Variants in LAMA5 observed in about 807,000 individuals in gnomAD.
LAMA5 encodes the protein laminin subunit alpha-5.
Under a neutral mutation model 433.4 loss-of-function variants are expected in LAMA5, and 260 were observed. The observed-to-expected ratio is 0.60, with a 90% CI of 0.54 to 0.66. The LOEUF (loss-of-function observed/expected upper bound fraction) is 0.66. LAMA5 is among the 30% of genes least tolerant of loss of function. LAMA5 has a pLI of 0.00. For missense variants in LAMA5, 5,378 were observed against 5,258.5 expected (o/e 1.02, Z -0.70); for synonymous variants, 2,620 against 2,226.6 (o/e 1.18, Z -4.97).
In LAMA5 at chr20:62,327,245, G is replaced by A; in HGVS notation, c.5100C>T (p.Tyr1700=). The A allele has an allele frequency of 6.6e-7, 1 of 1,516,934 alleles. No individual in the cohort carries two copies. Among genetic ancestry groups the A allele is most frequent in the South Asian group, 1.3e-5 (1 of 76,256 alleles). 94.0% of individuals were successfully genotyped at this position (1,516,934 alleles called of 1,614,324 possible). Residue 1700 remains tyrosine (Y), a synonymous_variant, in exon 38 of 80, where the codon TAC becomes TAT. Transcript: ENST00000252999. The stretch of plus-strand genomic sequence containing the variant: ...ATGCCCTGCTTACCCGGTCCCCCAG[G>A]TAGGAGGGTGGGGCCTGCCAGTACA... The part of the protein sequence containing the change: ...PELYWQAPPS[Y]LGDRVSSYGG...
At chr20:62,309,592 T>TGGGAGGAG (rs1568884684) in intron 79 of LAMA5, 117 bp from the exon 80 acceptor site, 12 of 176,060 alleles carry the variant, frequency 6.8e-5, no homozygotes, top group Non-Finnish European at 8.8e-5. Flanking sequence ...CATAGGAGGG[T>TGGGAGGAG]GGTAGGGGGG....
Position 62,332,610 on chromosome 20 carries a change from G to T in LAMA5, c.3390C>A (p.Thr1130=). Residue 1130 remains threonine, a synonymous_variant, in exon 27 of 80, where the codon ACC becomes ACA. Transcript: ENST00000252999. ...ARQEVGVAVH[T]PQRAPQQGLL... ...GCCCCTGCTGGGGGGCCCGCTGTGG[G>T]GTGTGCACGGCCACGCCCACCTCCT... 1 of 1,603,096 alleles carries T rather than the reference G, an allele frequency of 6.2e-7. No individual in the cohort carries two copies. The highest frequency in any genetic ancestry group is 8.5e-7 in the Non-Finnish European group (1 of 1,174,768).
chr20:62,336,377 G>C lies in LAMA5; in HGVS notation c.2286C>G (p.Phe762Leu). 1.2e-6 allele frequency: 2 copies of C among 1,612,516 alleles called. No homozygotes were observed. Among genetic ancestry groups the C allele is most frequent in the Non-Finnish European group, 1.7e-6 (2 of 1,179,758 alleles). The stretch of plus-strand genomic sequence containing the variant: ...CGGGGTTGCTGGGGCTCAGTCCCCA[G>C]AACCCAGGTTTGCAGCGGTCACAGC... ...GPSCDRCKPG[F>L]WGLSPSNPEG... Residue 762 changes from phenylalanine (F) to leucine (L), a missense_variant, in exon 18 of 80, where the codon TTC (phenylalanine) becomes TTG (leucine). By Grantham distance (22) the Phe-to-Leu change is conservative (BLOSUM62 0). Coordinates refer to ENST00000252999, the MANE Select transcript of LAMA5 (RefSeq NM_005560.6).
intron 66 of LAMA5, 37 bp downstream of exon 66, chr20:62,312,848 TCTC>T: frequency 1.2e-6 from 2 of 1,601,750 alleles, no homozygotes; most frequent in African/African-American, 1.3e-5. Flanking sequence ...CATCGTTCCA[TCTC>T]CTCTCCCTGC....
intron 6 of LAMA5, among the ~76,000 whole-genome samples, chr20:62,349,835 T>G (rs1289015052): frequency 1.7e-4 from 10 of 60,330 alleles, no homozygotes; most frequent in African/African-American, 5.8e-4. Flanking sequence ...ATGGTGGGGG[T>G]GATGATGGTG....
chr20:62,319,332 C>T (rs763285575), intron 51 of LAMA5, among the ~76,000 whole-genome samples: 5 of 152,166 alleles, frequency 3.3e-5, no homozygotes, highest in Non-Finnish European at 5.9e-5. Flanking sequence ...CCCCTGCCGA[C>T]CCCCAGGCTG....
intron 23 of LAMA5, 86 bp from the exon 24 acceptor site, chr20:62,333,792 G>C: frequency 8.1e-7 from 1 of 1,230,000 alleles, no homozygotes; most frequent in Non-Finnish European, 1.1e-6. Context: ...GGATAGGCTG[G>C]TCCTACCACC....
At chr20:62,322,942 G>C (rs1334235199) in intron 45 of LAMA5, among the ~76,000 whole-genome samples, 184 bp from the exon 46 acceptor site, 1 of 151,850 alleles carries the variant, frequency 6.6e-6, no homozygotes, top group Non-Finnish European at 1.5e-5. Flanking sequence ...CTGGGCCCGA[G>C]GGACCTGCAG....
intron 2 of LAMA5, among the ~76,000 whole-genome samples, chr20:62,360,166 C>G (rs1039033885): frequency 6.6e-6 from 1 of 150,682 alleles, no homozygotes; most frequent in Non-Finnish European, 1.5e-5. Flanking sequence ...TGGCCTAGGC[C>G]GAGACAGGGG....
chr20:62,350,785 C>T (rs987808649), intron 6 of LAMA5, among the ~76,000 whole-genome samples: 3 of 152,320 alleles, frequency 2.0e-5, no homozygotes, highest in South Asian at 2.1e-4. Context: ...TACTGGTTTG[C>T]GTGTTTCCCA....
intron 18 of LAMA5, among the ~76,000 whole-genome samples, chr20:62,335,799 AC>A (rs1234589724): frequency 2.2e-5 from 2 of 88,906 alleles, no homozygotes; most frequent in South Asian, 5.3e-4. Flanking sequence ...CCACGCAGGA[AC>A]CCCCTGCACC....
chr20:62,336,175 G>A (rs1276519987), intron 18 of LAMA5, among the ~76,000 whole-genome samples, 165 bp downstream of exon 18: 2 of 144,266 alleles, frequency 1.4e-5, no homozygotes, highest in Non-Finnish European at 3.0e-5. Context: ...GCACACTCAT[G>A]GGTACAATCC....
chr20:62,337,057 C>T (rs536744235), intron 16 of LAMA5: 1 of 653,588 alleles, frequency 1.5e-6, no homozygotes, highest in African/African-American at 1.8e-5. Context: ...CAGTGTGTGA[C>T]ACACGTCTGA....
At position 62,313,662 on chromosome 20, in the gene LAMA5, G is replaced by A. The variant is rs757145193; in HGVS notation, c.8645C>T (p.Pro2882Leu). 1.9e-6 allele frequency: 3 copies of A among 1,612,758 alleles called. No individual in the cohort carries two copies. Residue 2882 changes from proline (P) to leucine (L), a missense_variant, in exon 63 of 80, where the codon CCC becomes CTC. Transcript: ENST00000252999. ...DDFVFYVGGYPSTFTPPPLLR... is the reference protein window; with the variant it reads ...DDFVFYVGGYLSTFTPPPLLR... ...GGGCGGGCTCACCGTGAAGGTACTGGGGTACCCCCCGACGTAGAAGACGAA... is the reference window on the plus strand; with the variant it reads ...GGGCGGGCTCACCGTGAAGGTACTGAGGTACCCCCCGACGTAGAAGACGAA...
chr20:62,318,747 G>A (rs1218751256), intron 52 of LAMA5, 96 bp downstream of exon 52: 1 of 1,569,728 alleles, frequency 6.4e-7, no homozygotes, highest in Admixed American at 1.8e-5. Flanking sequence ...TCTGCCCCGT[G>A]ATGCCCACCT....
Position 62,319,013 on chromosome 20 carries a change from T to A in LAMA5, c.6872A>T (p.Glu2291Val). ...CAGGTGGCCCGTCTGGGACATGAGC[T>A]CTGTGGGGCAGGGGTTCGTCAGAGC... ...AIRAVDRTLS[E>V]LMSQTGHLGL... is the part of the protein sequence containing the mutation. Residue 2291 changes from glutamate (E) to valine (V), a missense_variant and splice_region_variant, in exon 52 of 80, where the codon GAG becomes GTG. Physicochemically the swap from Glu to Val is moderately radical, Grantham distance 121 (BLOSUM62 -2). Coordinates refer to ENST00000252999, the MANE Select transcript of LAMA5 (RefSeq NM_005560.6). 1 of 1,572,688 alleles carries A rather than the reference T, an allele frequency of 6.4e-7. No individual in the cohort carries two copies. Among genetic ancestry groups the A allele is most frequent in the Non-Finnish European group, 8.6e-7 (1 of 1,161,422 alleles).
At position 62,313,008 on chromosome 20, in the gene LAMA5, G is replaced by T; in HGVS notation, c.8958C>A (p.Ser2986Arg). ...SGVLFFLKQQ[S>R]QFLCLAVQEG... Reference sequence around the variant, plus strand: ...CTTGCACGGCCAAGCACAGGAACTGGCTCTGCAGAAACAGGGCAGGGTTAG... The same window carrying T: ...CTTGCACGGCCAAGCACAGGAACTGTCTCTGCAGAAACAGGGCAGGGTTAG... Residue 2986 changes from serine to arginine, a missense_variant and splice_region_variant, in exon 66 of 80, where the codon AGC becomes AGA. Coordinates refer to ENST00000252999, the MANE Select transcript of LAMA5 (RefSeq NM_005560.6). The T allele has an allele frequency of 6.3e-7, 1 of 1,583,188 alleles. No individual in the cohort carries two copies.
In LAMA5 at chr20:62,333,195, G is replaced by T; in HGVS notation, c.3177C>A (p.Ala1059=). The T allele has an allele frequency of 6.6e-7, 1 of 1,521,514 alleles. No individual in the cohort carries two copies. The highest frequency in any genetic ancestry group is 8.8e-7 in the Non-Finnish European group (1 of 1,134,662). 94.3% of individuals were successfully genotyped at this position (1,521,514 alleles called of 1,614,324 possible). A position where few individuals can be genotyped will look rare whatever the true frequency, so the allele number is the denominator to read the frequency against. The change falls in exon 26 of 80, where the codon GCC becomes GCA. Residue 1059 remains alanine (A), a synonymous_variant. Coordinates refer to ENST00000252999, the MANE Select transcript of LAMA5 (RefSeq NM_005560.6). ...CCTGGCGACACAGGGCCTCCAGCCCGGCGGCCGAGGGGAAGCCATCCAGGG... is the reference window on the plus strand; with the variant it reads ...CCTGGCGACACAGGGCCTCCAGCCCTGCGGCCGAGGGGAAGCCATCCAGGG... ...HLPLDGFPSA[A]GLEALCRQDN...
rs752924820 is a variant in LAMA5 at position 62,367,087 on chromosome 20, G to C, written c.159C>G (p.Ala53=). ...CGGAGGCGGCGATGCGGGCGCCCTC[G>C]GCCAGGTTGAAGTAGGGCGGGTGCA... is the stretch of plus-strand genomic sequence containing the variant. ...FSLHPPYFNL[A]EGARIAASAT... Residue 53 remains alanine, a synonymous_variant, in exon 1 of 80, where the codon GCC becomes GCG. Coordinates refer to ENST00000252999, the MANE Select transcript of LAMA5 (RefSeq NM_005560.6). 48 of 1,267,186 alleles carry C rather than the reference G, an allele frequency of 3.8e-5. No homozygotes were observed. In the South Asian group the frequency reaches 8.1e-4, roughly 21 times the overall value. The allele number at this position is 1,267,186 out of a possible 1,614,324, so 78.5% of individuals were successfully genotyped here.
Sources: allele counts gnomAD v4.1 joint callset (sites outside exome capture counted in the v4.1 genomes callset), GRCh38; gene constraint gnomAD v4.1.1; transcripts MANE v1.5; gene names NCBI Gene and HGNC (gene_info 2026-07-23, HGNC 2026-07-21).